HOPX: variants seen among roughly 807,000 people sequenced by gnomAD.
HOPX encodes homeodomain-only protein.
In HOPX, 5 loss-of-function variants were observed where a neutral mutation model predicts 11.8. The observed-to-expected ratio is 0.43, with a 90% CI of 0.22 to 0.89. The LOEUF (loss-of-function observed/expected upper bound fraction) is 0.89. Ranked by LOEUF, HOPX falls within the 40% of genes least tolerant of loss-of-function variation. The pLI is 0.28. For missense variants in HOPX, 119 were observed against 120.0 expected, an observed-to-expected ratio of 0.99 and a Z score of 0.04; for synonymous variants, 49 against 49.7, an observed-to-expected ratio of 0.99 and a Z score of 0.06.
At chr4:56,654,385 G>C (rs1020651565) in intron 3 of HOPX, among the ~76,000 whole-genome samples, 1 of 152,166 alleles carries the variant, frequency 6.6e-6, no homozygotes, top group Non-Finnish European at 1.5e-5. Flanking sequence ...ACCTCTTGTT[G>C]GTGCTGTGCC....
chr4:56,670,345 A>C (rs905881614), intron 1 of HOPX, among the ~76,000 whole-genome samples: 15 of 152,236 alleles, frequency 9.9e-5, no homozygotes, highest in African/African-American at 3.6e-4. Flanking sequence ...AAATGAGGCA[A>C]ATAGAATTCT....
chr4:56,657,006 A>G (rs573679127), intron 2 of HOPX, among the ~76,000 whole-genome samples: 1 of 152,290 alleles, frequency 6.6e-6, no homozygotes, highest in Admixed American at 6.5e-5. Context: ...AGTCAGGAAA[A>G]TGGGCCCATC....
intron 1 of HOPX, among the ~76,000 whole-genome samples, chr4:56,678,604 C>A (rs1719151192): frequency 6.6e-6 from 1 of 151,916 alleles, no homozygotes; most frequent in Non-Finnish European, 1.5e-5. Flanking sequence ...CACCACAATG[C>A]CCAGAATAAT....
In HOPX at chr4:56,655,955, T is replaced by C. The variant is rs748873666; in HGVS notation, c.100A>G (p.Ile34Val). The C allele has an allele frequency of 6.2e-7, 1 of 1,611,266 alleles. No individual in the cohort carries two copies. Among genetic ancestry groups the C allele is most frequent in the South Asian group, 1.1e-5 (1 of 90,280 alleles). The part of the protein sequence containing the change: ...ASGPTEDQVE[I>V]LEYNFNKVDK... ...ACCTTGTTGAAGTTGTACTCCAGGA[T>C]TTCCACCTGGTCCTCTGTGGGGCCG... The change falls in exon 3 of 4, where the codon ATC becomes GTC. Residue 34 changes from isoleucine to valine, a missense_variant. By Grantham distance (29) the Ile-to-Val change is conservative (BLOSUM62 3). Transcript: ENST00000420433.
At chr4:56,670,976 G>GAA (rs533268070) in intron 1 of HOPX, among the ~76,000 whole-genome samples, 2 of 138,082 alleles carry the variant, frequency 1.4e-5, no homozygotes, top group African/African-American at 2.7e-5. Context: ...CAGCCTGGGT[G>GAA]AAAAAAAAAA....
At chr4:56,655,223 T>TA (rs1042162989) in intron 3 of HOPX, among the ~76,000 whole-genome samples, 2 of 152,294 alleles carry the variant, frequency 1.3e-5, no homozygotes. Context: ...GGGAATTTTT[T>TA]AAAAAATCGG....
At chr4:56,679,160 T>C (rs1719184147) in intron 1 of HOPX, 1 of 152,222 alleles carries the variant, frequency 6.6e-6, no homozygotes, top group Non-Finnish European at 1.5e-5. Flanking sequence ...GAGGATTGCT[T>C]GAGCCTGGGA....
At chr4:56,675,803 C>T (rs1718984666) in intron 1 of HOPX, among the ~76,000 whole-genome samples, 1 of 151,706 alleles carries the variant, frequency 6.6e-6, no homozygotes, top group Non-Finnish European at 1.5e-5. Flanking sequence ...CAAACCTGTT[C>T]CCCTGTTCCC....
At chr4:56,661,894 T>C (rs889460423) in intron 1 of HOPX, among the ~76,000 whole-genome samples, 1 of 152,224 alleles carries the variant, frequency 6.6e-6, no homozygotes, top group African/African-American at 2.4e-5. Flanking sequence ...GAAAACTAAT[T>C]ACTAAGACCC....
chr4:56,669,229 G>A (rs930408069), intron 1 of HOPX, among the ~76,000 whole-genome samples: 1 of 152,176 alleles, frequency 6.6e-6, no homozygotes, highest in Admixed American at 6.5e-5. Context: ...TCTAGGCTCT[G>A]CTCCTGATTT....
chr4:56,656,868 C>T (rs1290247796), intron 2 of HOPX, among the ~76,000 whole-genome samples: 1 of 152,174 alleles, frequency 6.6e-6, no homozygotes, highest in Non-Finnish European at 1.5e-5. Flanking sequence ...CGGCAAAGAG[C>T]CTGCCTCACT....
upstream of HOPX, chr4:56,681,636 C>T (rs28362615): frequency 0.65 from 647,362 of 999,194 alleles, 211,577 homozygotes; most frequent in African/African-American, 0.87. Context: ...CCTGAGTCTT[C>T]TCATCCACTT....
chr4:56,656,423 G>C (rs1485674751), intron 2 of HOPX: 1 of 990,682 alleles, frequency 1.0e-6, no homozygotes, highest in South Asian at 4.6e-5. Context: ...CCGAAAGGGG[G>C]ACCTCCCCTG....
intron 1 of HOPX, among the ~76,000 whole-genome samples, chr4:56,658,148 A>G (rs989028831): frequency 6.6e-6 from 1 of 152,106 alleles, no homozygotes; most frequent in Non-Finnish European, 1.5e-5. Context: ...CTTCCATGAA[A>G]ATTTTGTCTT....
chr4:56,655,598 C>T (rs1578332474), intron 3 of HOPX, among the ~76,000 whole-genome samples: 1 of 40,920 alleles, frequency 2.4e-5, no homozygotes, highest in Non-Finnish European at 5.0e-5. Flanking sequence ...GACTGGTGAC[C>T]GAGGGGTTTC....
In HOPX at chr4:56,655,846, TG is replaced by T; in HGVS notation, c.198+10del. The T allele has an allele frequency of 6.2e-7, 1 of 1,609,218 alleles. No homozygotes were observed. Among genetic ancestry groups the T allele is most frequent in the South Asian group, 1.1e-5 (1 of 90,010 alleles). On this transcript the variant is annotated intron_variant, in intron 3 of 3. Transcript: ENST00000420433. The stretch of plus-strand genomic sequence containing the variant: ...GGGGTCGGGGCGCGCTGGGCGCGTG[TG>T]GGGACGCACCTGGGTCTCCTCCTCG...
chr4:56,658,716 A>G (rs886602087), intron 1 of HOPX, among the ~76,000 whole-genome samples: 2 of 152,234 alleles, frequency 1.3e-5, no homozygotes, highest in African/African-American at 4.8e-5. Flanking sequence ...CTCTGAAGAT[A>G]GTCTAAACAA....
rs376644755 is a variant in HOPX, at chr4:56,660,607, C to T, written c.-83-2708G>A. 1.1e-4 allele frequency among the ~76,000 whole-genome samples: 16 copies of T among 152,076 alleles called. No individual in the cohort carries two copies. The East Asian group carries it at 1.4e-3, about 13-fold the overall frequency. On this transcript the variant is annotated intron_variant, in intron 1 of 3. Coordinates refer to ENST00000420433, the MANE Select transcript of HOPX (RefSeq NM_032495.6). ...TATATAACAATGTCCTCAATCGGACCAGTTGTCCACCTTGCTCAAAGTTTT... is the reference window on the plus strand; with the variant it reads ...TATATAACAATGTCCTCAATCGGACTAGTTGTCCACCTTGCTCAAAGTTTT...
chr4:56,672,428 G>A lies in HOPX; in HGVS notation c.-84+8827C>T, dbSNP rs561445938. On this transcript the variant is annotated intron_variant, in intron 1 of 3. Coordinates refer to ENST00000420433, the MANE Select transcript of HOPX (RefSeq NM_032495.6). ...GTGGCACACGCCTGTAATCCCAGCT[G>A]CTCTGGATGCTGAGGGACAAGAATC... is the stretch of plus-strand genomic sequence containing the variant. Among the ~76,000 whole-genome samples the A allele has an allele frequency of 2.9e-3, 435 of 151,546 alleles. 6 individuals carry two copies. The highest frequency in any genetic ancestry group is 1.0e-2 in the African/African-American group (411 of 41,148).
Sources: gnomAD v4.1 joint callset for allele counts (sites outside exome capture counted in the v4.1 genomes callset) on GRCh38, gnomAD v4.1.1 for gene constraint, MANE v1.5 for transcripts, NCBI Gene and HGNC (gene_info 2026-07-23, HGNC 2026-07-21) for gene names.